INO80: variants seen among roughly 807,000 people sequenced by gnomAD.
INO80 encodes chromatin-remodeling ATPase INO80.
In INO80, 20 loss-of-function variants were observed where a neutral mutation model predicts 203.4. The ratio of observed to expected loss-of-function variants is 0.10; its 90% CI spans 0.07 to 0.14. The LOEUF (loss-of-function observed/expected upper bound fraction) is 0.14, where lower values mean the gene tolerates loss of function less well. Among genes scored for constraint, INO80 ranks in the 10% least tolerant of loss-of-function variants. The probability of loss-of-function intolerance (pLI) is 1.00; values close to 1 mark genes in which losing one functional copy is unlikely to be tolerated. For synonymous variants in INO80, 726 were observed against 685.2 expected (o/e 1.06, Z -0.93); for missense variants, 1,419 against 1,914.4 (o/e 0.74, Z 4.83).
intron 10 of INO80, 56 bp from the exon 11 acceptor site, chr15:41,073,551 T>G (rs902503128): frequency 1.5e-6 from 2 of 1,329,436 alleles, no homozygotes; most frequent in Middle Eastern, 1.8e-4. Flanking sequence ...TGTTCTAAGA[T>G]ACAATTAACA....
intron 14 of INO80, among the ~76,000 whole-genome samples, chr15:41,061,450 CAAAAA>C (rs980593225): frequency 1.6e-4 from 11 of 66,936 alleles, no homozygotes; most frequent in African/African-American, 4.7e-4. Context: ...ACCAAAAATA[CAAAAA>C]AAAAAAAAAA....
chr15:41,087,817 T>C (rs1177558666), intron 5 of INO80, 135 bp from the exon 6 acceptor site: 14 of 771,686 alleles, frequency 1.8e-5, no homozygotes, highest in Non-Finnish European at 2.7e-5. Context: ...ATCAGTAACA[T>C]CTAGTATATC....
intron 1 of INO80, among the ~76,000 whole-genome samples, chr15:41,102,674 A>G (rs1428984120): frequency 1.6e-5 from 2 of 121,780 alleles, no homozygotes; most frequent in South Asian, 2.3e-4. Context: ...GTCTCAAAGG[A>G]AAAAAAAAGG....
At chr15:41,062,977 G>A (rs902196231) in intron 14 of INO80, among the ~76,000 whole-genome samples, 4 of 152,188 alleles carry the variant, frequency 2.6e-5, no homozygotes, top group South Asian at 4.1e-4. Flanking sequence ...ACATAAGAAA[G>A]GAGAGAACCA....
At chr15:41,026,588 A>C (rs1347991538) in intron 25 of INO80, among the ~76,000 whole-genome samples, 3 of 151,944 alleles carry the variant, frequency 2.0e-5, no homozygotes, top group Non-Finnish European at 1.5e-5. Flanking sequence ...AAAAAAACCA[A>C]CAAACCTGTA....
In INO80 at chr15:41,005,117, C is replaced by T. The variant is rs184640624; in HGVS notation, c.3497+476G>A. Among the ~76,000 whole-genome samples the T allele has an allele frequency of 2.7e-3, 400 of 148,208 alleles. 3 individuals carry two copies. The highest frequency in any genetic ancestry group is 0.013 in the South Asian group (60 of 4,654). On this transcript the variant is annotated intron_variant, in intron 28 of 35. Transcript: ENST00000648947. ...GGCCGAGGCACAAGAATTGTTTGAA[C>T]CGGGGAGGCGGAGGCTGCAGTGAGC...
intron 16 of INO80, among the ~76,000 whole-genome samples, chr15:41,058,137 T>C (rs907451117): frequency 1.3e-5 from 2 of 152,182 alleles, no homozygotes; most frequent in African/African-American, 4.8e-5. Flanking sequence ...TTAGAACTCC[T>C]ATCTAAAATA....
At chr15:41,020,158 T>C (rs1391713692) in intron 26 of INO80, among the ~76,000 whole-genome samples, 1 of 152,036 alleles carries the variant, frequency 6.6e-6, no homozygotes, top group African/African-American at 2.4e-5. Context: ...GAGGCGGGGC[T>C]TGCAGTGAGC....
intron 24 of INO80, among the ~76,000 whole-genome samples, chr15:41,034,714 C>G (rs1294927991): frequency 3.3e-5 from 5 of 152,054 alleles, no homozygotes; most frequent in Admixed American, 6.6e-5. Context: ...ATGATGAGAC[C>G]CCTTCCAACT....
intron 29 of INO80, among the ~76,000 whole-genome samples, chr15:40,996,976 T>C (rs1178573590): frequency 1.3e-5 from 2 of 152,210 alleles, no homozygotes; most frequent in African/African-American, 4.8e-5. Flanking sequence ...GTCGAATGAA[T>C]GTGTAAGACA....
At chr15:41,007,850 A>T (rs2044072715) in intron 27 of INO80, among the ~76,000 whole-genome samples, 1 of 151,916 alleles carries the variant, frequency 6.6e-6, no homozygotes, top group South Asian at 2.1e-4. Context: ...ACACTATAGG[A>T]AAACACCTAA....
At chr15:41,038,126 T>C (rs1449931413) in intron 24 of INO80, among the ~76,000 whole-genome samples, 2 of 143,742 alleles carry the variant, frequency 1.4e-5, no homozygotes, top group Admixed American at 1.4e-4. Context: ...GTGATTCTCC[T>C]GCCTCAGCCT....
At position 41,028,815 on chromosome 15, in the gene INO80, C is replaced by T. The variant is rs548317069; in HGVS notation, c.2908-1079G>A. Among the ~76,000 whole-genome samples, 126 of 152,142 alleles carry T rather than the reference C, an allele frequency of 8.3e-4. 1 individual carries two copies. Among genetic ancestry groups the T allele is most frequent in the Non-Finnish European group, 1.9e-4 (13 of 68,018 alleles). ...AGGTTGCAGTGAGCTGAGATCGCAC[C>T]ATTGCACTCCAGCTGGGTGAAAGAG... On this transcript the variant is annotated intron_variant, in intron 24 of 35. Coordinates refer to ENST00000648947, the MANE Select transcript of INO80 (RefSeq NM_017553.3).
intron 1 of INO80, among the ~76,000 whole-genome samples, chr15:41,100,111 G>A (rs181314860): frequency 6.6e-6 from 1 of 151,538 alleles, no homozygotes; most frequent in Non-Finnish European, 1.5e-5. Flanking sequence ...ACAAAGTCTT[G>A]TAGCCGAGGC....
At chr15:41,031,344 A>C (rs1403577378) in intron 24 of INO80, among the ~76,000 whole-genome samples, 1 of 151,504 alleles carries the variant, frequency 6.6e-6, no homozygotes, top group Non-Finnish European at 1.5e-5. Flanking sequence ...TGTAGATAGA[A>C]AAGAAAGTTT....
intron 1 of INO80, among the ~76,000 whole-genome samples, chr15:41,110,303 C>T (rs2045940755): frequency 6.6e-6 from 1 of 151,656 alleles, no homozygotes; most frequent in East Asian, 2.0e-4. Context: ...TGCCAGCACA[C>T]TCACCCAATT....
At chr15:41,081,217 T>C (rs190171789) in intron 7 of INO80, 144 bp from the exon 8 acceptor site, 1 of 590,316 alleles carries the variant, frequency 1.7e-6, no homozygotes. Flanking sequence ...GTCATCCAGA[T>C]GTATTGTCTC....
intron 24 of INO80, among the ~76,000 whole-genome samples, chr15:41,030,052 G>A (rs991996013): frequency 3.9e-5 from 6 of 152,192 alleles, no homozygotes; most frequent in African/African-American, 1.4e-4. Flanking sequence ...AACTTCTACA[G>A]ACCAGTCACT....
chr15:41,114,708 CAAA>C (rs760373123), intron 1 of INO80, among the ~76,000 whole-genome samples: 4 of 65,860 alleles, frequency 6.1e-5, no homozygotes, highest in Admixed American at 1.8e-4. Flanking sequence ...GACTCAGTCT[CAAA>C]AAAAAAAAAA....
Sources: allele counts gnomAD v4.1 joint callset (sites outside exome capture counted in the v4.1 genomes callset), GRCh38; gene constraint gnomAD v4.1.1; transcripts MANE v1.5; gene names NCBI Gene and HGNC (gene_info 2026-07-23, HGNC 2026-07-21).